The following SYNE1 variants were observed in gnomAD, a reference collection of about 807,000 sequenced individuals.
SYNE1 encodes spectrin repeat containing nuclear envelope protein 1, also known as nesprin-1.
In SYNE1, 616 loss-of-function variants were observed where a neutral mutation model predicts 1,111.0. That is an observed-to-expected ratio of 0.55 (90% confidence interval 0.52 to 0.59). The LOEUF is 0.59. Ranked by LOEUF, SYNE1 falls within the 20% of genes least tolerant of loss-of-function variation. The probability of loss-of-function intolerance (pLI) is 0.00; values close to 1 mark genes in which losing one functional copy is unlikely to be tolerated. For missense variants in SYNE1, 10,006 were observed against 10,417.0 expected (o/e 0.96, Z 1.72); for synonymous variants, 3,855 against 3,825.8 (o/e 1.01, Z -0.28).
chr6:152,316,122 G>A (rs897308670), intron 87 of SYNE1: 2 of 152,208 alleles, frequency 1.3e-5, no homozygotes, highest in African/African-American at 2.4e-5. Context: ...CCTGGATGAC[G>A]TGACTGACAG....
At chr6:152,182,777 G>A (rs984264577) in intron 128 of SYNE1, among the ~76,000 whole-genome samples, 22 of 152,306 alleles carry the variant, frequency 1.4e-4, no homozygotes, top group Admixed American at 1.1e-3. Context: ...ATAGTGAGTT[G>A]CCTAGAGAGT....
chr6:152,307,076 C>T (rs1386063177), intron 91 of SYNE1, among the ~76,000 whole-genome samples: 9 of 152,122 alleles, frequency 5.9e-5, no homozygotes, highest in Admixed American at 5.2e-4. Flanking sequence ...GATTAAAAAT[C>T]GTTTCAAAAT....
intron 36 of SYNE1, among the ~76,000 whole-genome samples, chr6:152,429,121 GAC>G (rs1245802465): frequency 8.3e-6 from 1 of 119,870 alleles, no homozygotes; most frequent in Non-Finnish European, 1.7e-5. Flanking sequence ...TAATAATAAT[GAC>G]ACAGTGCCTC....
chr6:152,296,651 C>A (rs545261857), intron 93 of SYNE1, among the ~76,000 whole-genome samples: 1 of 152,322 alleles, frequency 6.6e-6, no homozygotes, highest in East Asian at 1.9e-4. Context: ...TGCCTCTGAC[C>A]TGCACATATT....
chr6:152,288,710 T>C (rs2094449318), intron 95 of SYNE1, among the ~76,000 whole-genome samples: 1 of 152,172 alleles, frequency 6.6e-6, no homozygotes, highest in South Asian at 2.1e-4. Context: ...CACGCCCAGC[T>C]AATTTTTGTA....
chr6:152,263,928 G>C (rs188797533), intron 100 of SYNE1, among the ~76,000 whole-genome samples: 1 of 151,916 alleles, frequency 6.6e-6, no homozygotes, highest in Non-Finnish European at 1.5e-5. Context: ...TAATAATGAC[G>C]AAAATGGGCT....
rs915200836 is a variant in SYNE1, at chr6:152,627,423, C to T, written c.67+842G>A. On this transcript the variant is annotated intron_variant, in intron 3 of 145. Coordinates refer to ENST00000367255, the MANE Select transcript of SYNE1 (RefSeq NM_182961.4). ...ATCCCAGGACTTTGGGAGGCCAAGG[C>T]AGGCAGATCACCTGAGGTCAGGAGT... is the stretch of plus-strand genomic sequence containing the variant. Among the ~76,000 whole-genome samples, 13 of 149,750 alleles carry T rather than the reference C, an allele frequency of 8.7e-5. No individual in the cohort carries two copies. The Admixed American group carries it at 8.7e-4, about 10-fold the overall frequency.
At chr6:152,387,989 C>T (rs935275504) in intron 53 of SYNE1, among the ~76,000 whole-genome samples, 3 of 152,142 alleles carry the variant, frequency 2.0e-5, no homozygotes, top group East Asian at 1.9e-4. Context: ...TCAAACCAAA[C>T]GCTCTCCAGA....
intron 33 of SYNE1, chr6:152,434,389 T>A (rs1439702047): frequency 1.2e-5 from 2 of 165,330 alleles, no homozygotes; most frequent in Non-Finnish European, 2.6e-5. Flanking sequence ...ATGCTTTCTA[T>A]AGAAATACCT....
rs533583402 is a variant in SYNE1 at position 152,369,229 on chromosome 6, C to T, written c.9652-102G>A. On this transcript the variant is annotated intron_variant, in intron 60 of 145. Coordinates refer to ENST00000367255, the MANE Select transcript of SYNE1 (RefSeq NM_182961.4). The stretch of plus-strand genomic sequence containing the variant: ...TGGAAATCAACACTGGCAGGCAGTC[C>T]GTGTACCCTGGAGGCTTTATTATCT... 2.4e-5 allele frequency: 36 copies of T among 1,494,082 alleles called. No homozygotes were observed. In the South Asian group the frequency reaches 3.7e-4, roughly 15 times the overall value. 92.6% of individuals were successfully genotyped at this position (1,494,082 alleles called of 1,614,324 possible).
At chr6:152,379,764 ACTG>A (rs1244238871) in intron 56 of SYNE1, among the ~76,000 whole-genome samples, 1 of 152,216 alleles carries the variant, frequency 6.6e-6, no homozygotes, top group South Asian at 2.1e-4. Context: ...CATATTTACT[ACTG>A]CATTCTCATG....
intron 16 of SYNE1, among the ~76,000 whole-genome samples, chr6:152,469,088 T>G (rs1564265033): frequency 6.6e-6 from 1 of 152,064 alleles, no homozygotes; most frequent in South Asian, 2.1e-4. Flanking sequence ...AGCCCTTTTT[T>G]GGGGGAGTGT....
chr6:152,315,982 AC>A (rs2095708415), intron 87 of SYNE1: 1 of 152,220 alleles, frequency 6.6e-6, no homozygotes, highest in Admixed American at 6.5e-5. Flanking sequence ...AATATAAGAG[AC>A]AAAAATCTAG....
At chr6:152,522,264 G>A (rs1417229914) in intron 5 of SYNE1, among the ~76,000 whole-genome samples, 24 of 151,940 alleles carry the variant, frequency 1.6e-4, no homozygotes, top group Admixed American at 1.3e-3. Context: ...ATATGCCTTC[G>A]TGTACCCATA....
intron 3 of SYNE1, among the ~76,000 whole-genome samples, chr6:152,588,817 G>A (rs759976002): frequency 2.6e-5 from 4 of 152,132 alleles, no homozygotes; most frequent in Non-Finnish European, 5.9e-5. Flanking sequence ...CCCTGCAAAG[G>A]CCCATCCAGG....
chr6:152,224,691 T>C (rs757837493), intron 116 of SYNE1, 27 bp from the exon 117 acceptor site: 1 of 1,598,384 alleles, frequency 6.3e-7, no homozygotes, highest in East Asian at 2.2e-5. Context: ...ATATGGCTTA[T>C]AATTTCATAA....
chr6:152,489,843 T>C (rs2098960827), intron 11 of SYNE1, among the ~76,000 whole-genome samples: 1 of 152,122 alleles, frequency 6.6e-6, no homozygotes, highest in Non-Finnish European at 1.5e-5. Context: ...AAAACACAAA[T>C]TGCTGGGCAC....
intron 140 of SYNE1, 83 bp downstream of exon 140, chr6:152,139,867 C>T: frequency 1.4e-6 from 2 of 1,465,226 alleles, no homozygotes; most frequent in South Asian, 1.2e-5. Flanking sequence ...GTAAGAGCAG[C>T]TCGAACTAGA....
At chr6:152,210,731 G>GA (rs532808310) in intron 124 of SYNE1, among the ~76,000 whole-genome samples, 248 of 152,168 alleles carry the variant, frequency 1.6e-3, no homozygotes, top group Admixed American at 3.0e-3. Flanking sequence ...TATCACCACG[G>GA]AAAGTCGATT....
Sources: gnomAD v4.1 joint callset for allele counts (sites outside exome capture counted in the v4.1 genomes callset) on GRCh38, gnomAD v4.1.1 for gene constraint, MANE v1.5 for transcripts, NCBI Gene and HGNC (gene_info 2026-07-23, HGNC 2026-07-21) for gene names.